Variants in FBXO6 observed in about 807,000 individuals in gnomAD.
FBXO6 encodes the protein F-box only protein 6.
FBXO6 carries 13 observed loss-of-function variants against 25.0 expected under a neutral mutation model. The ratio of observed to expected loss-of-function variants is 0.52; its 90% CI spans 0.34 to 0.83. FBXO6 has a LOEUF of 0.83. Ranked by LOEUF, FBXO6 falls within the 40% of genes least tolerant of loss-of-function variation. The pLI, the probability that FBXO6 is intolerant of heterozygous loss-of-function variation, is 0.02. For missense variants in FBXO6, 370 were observed against 380.2 expected (o/e 0.97, Z 0.22); for synonymous variants, 138 against 155.3 (o/e 0.89, Z 0.83).
At position 11,672,103 on chromosome 1, in the gene FBXO6, G is replaced by T. The variant is rs761801313; in HGVS notation, c.509+80G>T. The stretch of plus-strand genomic sequence containing the variant: ...CTGCATGTACGTGAGACAACCCATA[G>T]CAAGTGCCCACTCTGCACAGCAGTG... On this transcript the variant is annotated intron_variant, in intron 4 of 5. Coordinates refer to ENST00000376753, the MANE Select transcript of FBXO6 (RefSeq NM_018438.6). 7.7e-6 allele frequency: 10 copies of T among 1,290,566 alleles called. No individual in the cohort carries two copies. In the East Asian group the frequency reaches 2.2e-4, roughly 28 times the overall value. The allele number at this position is 1,290,566 out of a possible 1,614,324, so 79.9% of individuals were successfully genotyped here. A position where few individuals can be genotyped will look rare whatever the true frequency, so the allele number is the denominator to read the frequency against.
At chr1:11,668,999 G>A in intron 2 of FBXO6, 55 bp downstream of exon 2, 1 of 1,586,012 alleles carries the variant, frequency 6.3e-7, no homozygotes. Flanking sequence ...CTCATCCTTG[G>A]GCCTTGGCAC....
In FBXO6 at chr1:11,673,285, C is replaced by A. The variant is rs370230658; in HGVS notation, c.518C>A (p.Ala173Asp). The A allele has an allele frequency of 6.2e-7, 1 of 1,612,568 alleles. No individual in the cohort carries two copies. Among genetic ancestry groups the A allele is most frequent in the Non-Finnish European group, 8.5e-7 (1 of 1,179,298 alleles). Residue 173 changes from alanine (A) to aspartate (D), a missense_variant, in exon 5 of 6, where the codon GCC (alanine) becomes GAC (aspartate). By Grantham distance (126) the Ala-to-Asp change is moderately radical. Transcript: ENST00000376753. The surrounding 1 kb of genome is among the most constrained non-coding windows in gnomAD (Gnocchi z 4.3). ...PDIVVKDWFAARADCGCTYQL... is the reference protein window; with the variant it reads ...PDIVVKDWFADRADCGCTYQL... Reference sequence around the variant, plus strand: ...CTCAACCCCTCCACCAGGTTTGCTGCCAGAGCCGACTGTGGCTGCACCTAC... The same window carrying A: ...CTCAACCCCTCCACCAGGTTTGCTGACAGAGCCGACTGTGGCTGCACCTAC...
chr1:11,669,077 C>G, intron 2 of FBXO6, 133 bp downstream of exon 2: 1 of 1,235,114 alleles, frequency 8.1e-7, no homozygotes, highest in Non-Finnish European at 1.1e-6. Flanking sequence ...TTGGTTCCTT[C>G]TCATTCTTCA....
chr1:11,667,647 GAC>G (rs2100687789), intron 1 of FBXO6, among the ~76,000 whole-genome samples: 1 of 152,004 alleles, frequency 6.6e-6, no homozygotes, highest in East Asian at 1.9e-4. Context: ...TGACACCAAA[GAC>G]AGCTCAGCCG....
Position 11,668,889 on chromosome 1 carries a change from C to A in FBXO6, c.231C>A (p.Ile77=), listed in dbSNP as rs1640524536. 3 of 1,614,120 alleles carry A rather than the reference C, an allele frequency of 1.9e-6. No individual in the cohort carries two copies. The East Asian group carries it at 6.7e-5, about 36-fold the overall frequency. ...ACCAGCCCGTGGCCGACTGGAAAATCTTCTACTTCCTACGGAGCCTGCATA... is the reference window on the plus strand; with the variant it reads ...ACCAGCCCGTGGCCGACTGGAAAATATTCTACTTCCTACGGAGCCTGCATA... The part of the protein sequence containing the change: ...DWDQPVADWK[I]FYFLRSLHRN... The change falls in exon 2 of 6, where the codon ATC becomes ATA. Residue 77 remains isoleucine (I), a synonymous_variant. Coordinates refer to ENST00000376753, the MANE Select transcript of FBXO6 (RefSeq NM_018438.6).
At position 11,673,206 on chromosome 1, in the gene FBXO6, G is replaced by A; in HGVS notation, c.510-71G>A. 1 of 1,534,674 alleles carries A rather than the reference G, an allele frequency of 6.5e-7. No homozygotes were observed. Among genetic ancestry groups the A allele is most frequent in the Non-Finnish European group, 8.8e-7 (1 of 1,141,406 alleles). ...TGAAGCTCCGAGCTCCAATGTATAG[G>A]TCCCACCTGCCCCCACCCCTGGGGC... On this transcript the variant is annotated intron_variant, in intron 4 of 5. Transcript: ENST00000376753. The surrounding 1 kb of genome is among the most constrained non-coding windows in gnomAD (Gnocchi z 4.3).
Position 11,673,782 on chromosome 1 carries a change from G to T in FBXO6, c.813G>T (p.Gln271His), listed in dbSNP as rs1369463605. The T allele has an allele frequency of 1.2e-6, 2 of 1,614,026 alleles. No individual in the cohort carries two copies. The highest frequency in any genetic ancestry group is 3.3e-5 in the Admixed American group (2 of 60,004). ...MTRNQASSEA[Q>H]PGQKHGQEEA... ...GGAACCAGGCCTCCTCCGAGGCTCA[G>T]CCTGGGCAGAAGCATGGACAGGAGG... The change falls in exon 6 of 6, where the codon CAG (glutamine) becomes CAT (histidine). Residue 271 changes from glutamine to histidine, a missense_variant. Physicochemically the swap from Gln to His is conservative, Grantham distance 24. Transcript: ENST00000376753. The surrounding 1 kb of genome is among the most constrained non-coding windows in gnomAD (Gnocchi z 4.3).
chr1:11,666,085 C>A (rs1640429481), intron 1 of FBXO6, among the ~76,000 whole-genome samples: 1 of 126,108 alleles, frequency 7.9e-6, no homozygotes. Flanking sequence ...GTTGCCCAGG[C>A]TGGAGTGCCA....
In FBXO6 at chr1:11,674,084, C is replaced by A. The variant is rs1008472187; in HGVS notation, c.*233C>A. 2.1e-6 allele frequency: 1 copy of A among 486,320 alleles called. No homozygotes were observed. The highest frequency in any genetic ancestry group is 3.8e-6 in the Non-Finnish European group (1 of 264,144). The allele number at this position is 486,320 out of a possible 1,614,324, so 30.1% of individuals were successfully genotyped here. On this transcript the variant is annotated 3_prime_UTR_variant, in exon 6 of 6. Coordinates refer to ENST00000376753, the MANE Select transcript of FBXO6 (RefSeq NM_018438.6). The surrounding 1 kb of genome is among the most constrained non-coding windows in gnomAD (Gnocchi z 6.1). The stretch of plus-strand genomic sequence containing the variant: ...CTTTGGGAGACCGAGGCAGGTGGAT[C>A]ACGAGGTCAGGAGATAGAGACCATC...
chr1:11,672,885 G>C (rs1179939931), intron 4 of FBXO6, among the ~76,000 whole-genome samples: 1 of 152,178 alleles, frequency 6.6e-6, no homozygotes, highest in Non-Finnish European at 1.5e-5. Context: ...CTGAGCAGAG[G>C]GTGAGCTTTG....
intron 3 of FBXO6, 133 bp from the exon 4 acceptor site, chr1:11,671,795 C>A: frequency 1.3e-6 from 1 of 766,176 alleles, no homozygotes; most frequent in Non-Finnish European, 2.2e-6. Context: ...CAGTGCCTGT[C>A]CCGCAGCGGC....
At position 11,673,555 on chromosome 1, in the gene FBXO6, T is replaced by C; in HGVS notation, c.646-60T>C. 1 of 1,578,650 alleles carries C rather than the reference T, an allele frequency of 6.3e-7. No homozygotes were observed. On this transcript the variant is annotated intron_variant, in intron 5 of 5. Coordinates refer to ENST00000376753, the MANE Select transcript of FBXO6 (RefSeq NM_018438.6). The surrounding 1 kb of genome is among the most constrained non-coding windows in gnomAD (Gnocchi z 4.3). ...GCCTGGGCAGCTCTCTTAGAGGACCTGGCTCCTGCCTTCCCCTCCCCCGTC... is the reference window on the plus strand; with the variant it reads ...GCCTGGGCAGCTCTCTTAGAGGACCCGGCTCCTGCCTTCCCCTCCCCCGTC...
chr1:11,669,666 G>GTA (rs1161301136), intron 2 of FBXO6, among the ~76,000 whole-genome samples: 2,622 of 104,958 alleles, frequency 0.025, 89 homozygotes, highest in African/African-American at 0.08. Context: ...ATATACACAT[G>GTA]TATATATGTA....
chr1:11,669,151 T>C (rs1437163889), intron 2 of FBXO6, among the ~76,000 whole-genome samples: 2 of 152,212 alleles, frequency 1.3e-5, no homozygotes, highest in African/African-American at 2.4e-5. Context: ...ACCTCTAGCA[T>C]AGCACCCCCA....
At position 11,673,648 on chromosome 1, in the gene FBXO6, G is replaced by A; in HGVS notation, c.679G>A (p.Val227Ile). 6.2e-7 allele frequency: 1 copy of A among 1,614,058 alleles called. No homozygotes were observed. The highest frequency in any genetic ancestry group is 1.1e-5 in the South Asian group (1 of 91,076). The stretch of plus-strand genomic sequence containing the variant: ...CACCTTCTCAGACTACCCCCGGGGT[G>A]TCCGCTACATCCTCTTCCAGCATGG... Reference protein sequence around the residue: ...SYTFSDYPRGVRYILFQHGGR... With the variant: ...SYTFSDYPRGIRYILFQHGGR... The change falls in exon 6 of 6, where the codon GTC becomes ATC. Residue 227 changes from valine (V) to isoleucine (I), a missense_variant. Coordinates refer to ENST00000376753, the MANE Select transcript of FBXO6 (RefSeq NM_018438.6). This position sits in a 1 kb window ranked among gnomAD's most constrained non-coding sequence, Gnocchi z 4.3.
rs762361064 is a variant in FBXO6 at position 11,671,964 on chromosome 1, C to T, written c.450C>T (p.Ala150=). 1.7e-5 allele frequency: 27 copies of T among 1,614,058 alleles called. No homozygotes were observed. Among genetic ancestry groups the T allele is most frequent in the African/African-American group, 1.5e-4 (11 of 74,942 alleles). ...CLKSQLVDLV[A]EGYWEELLDT... is the part of the protein sequence containing the mutation. ...AGTCCCAGCTGGTGGACCTTGTAGC[C>T]GAGGGCTACTGGGAGGAGCTACTAG... is the stretch of plus-strand genomic sequence containing the variant. The change falls in exon 4 of 6, where the codon GCC becomes GCT. Residue 150 remains alanine (A), a synonymous_variant. Coordinates refer to ENST00000376753, the MANE Select transcript of FBXO6 (RefSeq NM_018438.6).
Position 11,673,812 on chromosome 1 carries a change from T to C in FBXO6, c.843T>C (p.Ala281=). The change falls in exon 6 of 6, where the codon GCT becomes GCC. Residue 281 remains alanine, a synonymous_variant. Transcript: ENST00000376753. The surrounding 1 kb of genome is among the most constrained non-coding windows in gnomAD (Gnocchi z 4.3). Reference sequence around the variant, plus strand: ...GGCAGAAGCATGGACAGGAGGAGGCTGCCCAATCGCCCTACCGAGCTGTTG... The same window carrying C: ...GGCAGAAGCATGGACAGGAGGAGGCCGCCCAATCGCCCTACCGAGCTGTTG... ...QPGQKHGQEE[A]AQSPYRAVVQ... 1 of 1,614,108 alleles carries C rather than the reference T, an allele frequency of 6.2e-7. No individual in the cohort carries two copies. Among genetic ancestry groups the C allele is most frequent in the Non-Finnish European group, 8.5e-7 (1 of 1,180,022 alleles).
Position 11,668,791 on chromosome 1 carries a change from C to T in FBXO6, c.133C>T (p.Arg45Trp), listed in dbSNP as rs1382948502. 8.7e-6 allele frequency: 14 copies of T among 1,613,984 alleles called. No homozygotes were observed. The highest frequency in any genetic ancestry group is 1.1e-5 in the Non-Finnish European group (13 of 1,180,042). ...LNCRLVCSLW[R>W]DLIDLMTLWK... ...CTGCCGCCTGGTCTGCAGCCTCTGG[C>T]GGGACCTCATCGACCTCATGACCCT... The change falls in exon 2 of 6, where the codon CGG becomes TGG. Residue 45 changes from arginine to tryptophan, a missense_variant. Transcript: ENST00000376753.
intron 1 of FBXO6, among the ~76,000 whole-genome samples, chr1:11,667,962 T>A (rs1476536462): frequency 6.6e-6 from 1 of 151,936 alleles, no homozygotes; most frequent in Non-Finnish European, 1.5e-5. Flanking sequence ...TATGGTGGCA[T>A]GCGCCTATAG....
Sources: allele counts gnomAD v4.1 joint callset (sites outside exome capture counted in the v4.1 genomes callset), GRCh38; gene constraint gnomAD v4.1.1; non-coding constraint Gnocchi (gnomAD v3.1); transcripts MANE v1.5; gene names NCBI Gene and HGNC (gene_info 2026-07-23, HGNC 2026-07-21).